Variants in ZNF221 observed in about 807,000 individuals in gnomAD.
The protein encoded by ZNF221 is zinc finger protein 221.
Under a neutral mutation model 12.6 loss-of-function variants are expected in ZNF221, and 10 were observed. The observed-to-expected ratio is 0.79, with a 90% CI of 0.49 to 1.34. The LOEUF (loss-of-function observed/expected upper bound fraction) is 1.34, where lower values mean the gene tolerates loss of function less well. Ranked by LOEUF, ZNF221 falls within the 40% of genes most tolerant of loss-of-function variation. The pLI, the probability that ZNF221 is intolerant of heterozygous loss-of-function variation, is 0.00. For missense variants in ZNF221, 661 were observed against 721.4 expected, an observed-to-expected ratio of 0.92 and a Z score of 0.96; for synonymous variants, 232 against 244.0, an observed-to-expected ratio of 0.95 and a Z score of 0.46.
intron 1 of ZNF221, chr19:43,961,765 T>C (rs1974846576): frequency 6.6e-6 from 1 of 152,214 alleles, no homozygotes; most frequent in African/African-American, 2.4e-5. Flanking sequence ...CCTTGAAGTA[T>C]ATAGGCAAAG....
intron 2 of ZNF221, among the ~76,000 whole-genome samples, chr19:43,964,494 GT>G (rs1182904455): frequency 6.6e-6 from 1 of 152,218 alleles, no homozygotes; most frequent in African/African-American, 2.4e-5. Flanking sequence ...ATACTGGTTA[GT>G]TTGACAGATA....
chr19:43,966,024 A>G lies in ZNF221; in HGVS notation c.522A>G (p.Glu174=). 1 of 1,614,256 alleles carries G rather than the reference A, an allele frequency of 6.2e-7. No homozygotes were observed. Among genetic ancestry groups the G allele is most frequent in the South Asian group, 1.1e-5 (1 of 91,090 alleles). Residue 174 remains glutamate (E), a synonymous_variant, in exon 5 of 5, where the codon GAA becomes GAG. Coordinates refer to ENST00000587682, the MANE Select transcript of ZNF221 (RefSeq NM_001297588.2). ...AACAGAAACCTTACCGTTGTAATGA[A>G]TGTAAACAGTCCTTCAGTGATGTTT... ...HVQQKPYRCN[E]CKQSFSDVSV...
chr19:43,967,336 T>G lies in ZNF221; in HGVS notation c.1834T>G (p.Cys612Gly). ...AGCTTCATTTACATCAGTAAGTCTA[T>G]GTGGGAGAAAAGCCATATAAATGTG... ...FTASFTSVSL[C>G]GRKAI Residue 612 changes from cysteine to glycine, a missense_variant, in exon 5 of 5, where the codon TGT becomes GGT. Physicochemically the swap from Cys to Gly is radical, Grantham distance 159. Transcript: ENST00000587682. 1 of 1,611,782 alleles carries G rather than the reference T, an allele frequency of 6.2e-7. No individual in the cohort carries two copies. The highest frequency in any genetic ancestry group is 8.5e-7 in the Non-Finnish European group (1 of 1,178,944).
At position 43,965,236 on chromosome 19, in the gene ZNF221, A is replaced by G. The variant is rs376915893; in HGVS notation, c.212A>G (p.Asn71Ser). Residue 71 changes from asparagine to serine, a missense_variant, in exon 4 of 5, where the codon AAT becomes AGT. Physicochemically the swap from Asn to Ser is conservative, Grantham distance 46. Coordinates refer to ENST00000587682, the MANE Select transcript of ZNF221 (RefSeq NM_001297588.2). ...GCATGTCACTGTGTGTTCACAGGGA[A>G]TCAACCATTCCACCAAGATACTTTC... ...ENFRNLLSVG[N>S]QPFHQDTFHF... is the part of the protein sequence containing the mutation. 2.4e-5 allele frequency: 39 copies of G among 1,610,600 alleles called. No homozygotes were observed. The highest frequency in any genetic ancestry group is 3.1e-5 in the Non-Finnish European group (37 of 1,178,578).
intron 1 of ZNF221, chr19:43,960,193 C>T (rs1974820797): frequency 6.6e-6 from 1 of 152,106 alleles, no homozygotes; most frequent in Admixed American, 6.5e-5. Flanking sequence ...CTAGGGATTT[C>T]TGGAAGCTTG....
chr19:43,956,506 T>C (rs978651419), intron 1 of ZNF221, among the ~76,000 whole-genome samples: 1 of 69,488 alleles, frequency 1.4e-5, no homozygotes, highest in African/African-American at 3.3e-5. Flanking sequence ...CCCAGCCATT[T>C]TATCCTCTCT....
chr19:43,978,128 T>C, the ZNF221 span, among the ~76,000 whole-genome samples: 2 of 152,064 alleles, frequency 1.3e-5, no homozygotes, highest in African/African-American at 4.8e-5. Flanking sequence ...CTTATTGAGA[T>C]TGATTATGTA....
intron 1 of ZNF221, among the ~76,000 whole-genome samples, chr19:43,956,570 C>CTT (rs10655480): frequency 0.95 from 144,126 of 152,140 alleles, 68,750 homozygotes; most frequent in East Asian, 1. Context: ...GACCCTGGCT[C>CTT]TTGTCAATCT....
chr19:43,969,013 G>A (rs1219452388), downstream of ZNF221, among the ~76,000 whole-genome samples: 3 of 152,146 alleles, frequency 2.0e-5, no homozygotes, highest in African/African-American at 7.2e-5. Flanking sequence ...CAGAATTCCT[G>A]GCAAGGTGGC....
At chr19:43,959,767 A>T (rs1219927712) in intron 1 of ZNF221, among the ~76,000 whole-genome samples, 5 of 152,074 alleles carry the variant, frequency 3.3e-5, no homozygotes, top group Non-Finnish European at 1.5e-5. Context: ...AGCCAGTGAA[A>T]CCTCTTTTCT....
chr19:43,963,778 A>T (rs1364853528), intron 2 of ZNF221, among the ~76,000 whole-genome samples: 3 of 152,238 alleles, frequency 2.0e-5, no homozygotes, highest in Non-Finnish European at 2.9e-5. Flanking sequence ...CTCATTTATA[A>T]TCAAATAAGT....
At position 43,965,019 on chromosome 19, in the gene ZNF221, C is replaced by A. The variant is rs1568477482; in HGVS notation, c.151C>A (p.Gln51Lys). ...GGAGCTGGGGCTGCTGGACCCTGCC[C>A]AGAGGAAGCTGTACCGAGATGTGAT... ...EEELGLLDPAQRKLYRDVMLE... is the reference protein window; with the variant it reads ...EEELGLLDPAKRKLYRDVMLE... The change falls in exon 3 of 5, where the codon CAG becomes AAG. Residue 51 changes from glutamine (Q) to lysine (K), a missense_variant. Physicochemically the swap from Gln to Lys is moderately conservative, Grantham distance 53. Transcript: ENST00000587682. The A allele has an allele frequency of 6.2e-7, 1 of 1,614,014 alleles. No individual in the cohort carries two copies. Among genetic ancestry groups the A allele is most frequent in the Non-Finnish European group, 8.5e-7 (1 of 1,180,026 alleles).
chr19:43,959,644 G>C (rs998650167), intron 1 of ZNF221, among the ~76,000 whole-genome samples: 1 of 152,190 alleles, frequency 6.6e-6, no homozygotes, highest in Non-Finnish European at 1.5e-5. Flanking sequence ...CTCTCACTTT[G>C]TGACATGCCT....
At chr19:43,975,722 G>C in the ZNF221 span, among the ~76,000 whole-genome samples, 1 of 152,112 alleles carries the variant, frequency 6.6e-6, no homozygotes, top group Non-Finnish European at 1.5e-5. Context: ...CTAAATCATA[G>C]TATTAAAAAG....
rs759729788 is a variant in ZNF221 at position 43,966,246 on chromosome 19, T to C, written c.744T>C (p.His248=). The change falls in exon 5 of 5, where the codon CAT becomes CAC. Residue 248 remains histidine, a synonymous_variant. Transcript: ENST00000587682. ...ATCTGCAAACTCATCAGAGAGTCCA[T>C]ACTGGAGAGAAACCATTCAAATGTG... is the stretch of plus-strand genomic sequence containing the variant. ...SSHLQTHQRV[H]TGEKPFKCGQ... is the part of the protein sequence containing the mutation. 2.0e-5 allele frequency: 33 copies of C among 1,614,224 alleles called. No homozygotes were observed. The highest frequency in any genetic ancestry group is 2.8e-5 in the Non-Finnish European group (33 of 1,180,034).
downstream of ZNF221, among the ~76,000 whole-genome samples, chr19:43,971,812 T>C (rs1004548217): frequency 1.3e-5 from 2 of 152,166 alleles, no homozygotes; most frequent in Non-Finnish European, 2.9e-5. Context: ...ACAGTAATAG[T>C]GGGAGACTTT....
In ZNF221 at chr19:43,966,416, C is replaced by A. The variant is rs775462515; in HGVS notation, c.914C>A (p.Thr305Asn). 14 of 1,613,816 alleles carry A rather than the reference C, an allele frequency of 8.7e-6. No homozygotes were observed. Among genetic ancestry groups the A allele is most frequent in the Middle Eastern group, 1.7e-4 (1 of 6,060 alleles). ...CTTCAAGAACATCAGAGAATCCATA[C>A]TGGGGAGAAGCCATTCAAATGTGAT... ...SQLQEHQRIH[T>N]GEKPFKCDIC... The change falls in exon 5 of 5, where the codon ACT becomes AAT. Residue 305 changes from threonine to asparagine, a missense_variant. Thr to Asn is a moderately conservative substitution (Grantham distance 65). Transcript: ENST00000587682.
chr19:43,957,169 T>G (rs1261969099), intron 1 of ZNF221, among the ~76,000 whole-genome samples: 1 of 152,188 alleles, frequency 6.6e-6, no homozygotes, highest in East Asian at 1.9e-4. Flanking sequence ...AAACCTTTTC[T>G]TATTTTTATT....
chr19:43,955,278 A>G lies in ZNF221; in HGVS notation c.-3+3878A>G, dbSNP rs970048120. ...TCCTTCCCACCAGGGAATCTGTTTC[A>G]CAGCCATCTTCACTGTGTCATTTTT... On this transcript the variant is annotated intron_variant, in intron 1 of 4. Transcript: ENST00000587682. Among the ~76,000 whole-genome samples the G allele has an allele frequency of 2.0e-4, 30 of 151,490 alleles. 1 individual carries two copies. The highest frequency in any genetic ancestry group is 1.8e-3 in the Admixed American group (28 of 15,230).
Sources: allele counts gnomAD v4.1 joint callset (sites outside exome capture counted in the v4.1 genomes callset), GRCh38; gene constraint gnomAD v4.1.1; transcripts MANE v1.5; gene names NCBI Gene and HGNC (gene_info 2026-07-23, HGNC 2026-07-21).